The following TBC1D4 variants were observed in gnomAD, a reference collection of about 807,000 sequenced individuals.
TBC1D4 encodes the protein TBC (Tre-2, BUB2, CDC16) domain-containing protein.
In TBC1D4, 121 loss-of-function variants were observed where a neutral mutation model predicts 142.5. The observed-to-expected ratio is 0.85, with a 90% CI of 0.73 to 0.99. The LOEUF (loss-of-function observed/expected upper bound fraction) is 0.99, where lower values mean the gene tolerates loss of function less well. Ranked by LOEUF, TBC1D4 falls within the 50% of genes least tolerant of loss-of-function variation. TBC1D4 has a pLI of 0.00. For synonymous variants in TBC1D4, 630 were observed against 628.2 expected, an observed-to-expected ratio of 1.00 and a Z score of -0.04; for missense variants, 1,475 against 1,606.6, an observed-to-expected ratio of 0.92 and a Z score of 1.40.
intron 1 of TBC1D4, among the ~76,000 whole-genome samples, chr13:75,435,719 G>A (rs1241964018): frequency 6.6e-6 from 1 of 152,162 alleles, no homozygotes; most frequent in Admixed American, 6.5e-5. Context: ...GGAGTTTCTT[G>A]AAGAAATGGC....
At chr13:75,444,134 C>CT (rs1248973757) in intron 1 of TBC1D4, among the ~76,000 whole-genome samples, 1 of 151,640 alleles carries the variant, frequency 6.6e-6, no homozygotes, top group African/African-American at 2.4e-5. Flanking sequence ...ATTCTTTTTT[C>CT]TTTTTTAAGA....
intron 8 of TBC1D4, 63 bp downstream of exon 8, chr13:75,336,858 C>T (rs1157554590): frequency 1.3e-6 from 2 of 1,598,312 alleles, no homozygotes; most frequent in African/African-American, 2.7e-5. Context: ...CCTGTTGAGA[C>T]TGAAGCTAAA....
At chr13:75,322,804 C>T (rs1188234156) in intron 11 of TBC1D4, among the ~76,000 whole-genome samples, 1 of 152,148 alleles carries the variant, frequency 6.6e-6, no homozygotes, top group Non-Finnish European at 1.5e-5. Flanking sequence ...ATTCTTGGTT[C>T]TCTAAATTAG....
chr13:75,326,395 C>G lies in TBC1D4; in HGVS notation c.1835G>C (p.Gly612Ala). 2 of 1,614,064 alleles carry G rather than the reference C, an allele frequency of 1.2e-6. No individual in the cohort carries two copies. The highest frequency in any genetic ancestry group is 1.7e-6 in the Non-Finnish European group (2 of 1,180,016). Reference protein sequence around the residue: ...KDYSPGDSPPGTPPASPPSSA... With the variant: ...KDYSPGDSPPATPPASPPSSA... ...GGACGGTGGGGACGCTGGCGGTGTC[C>G]CTGGTGGAGAATCCCCTGGTGAGTA... Residue 612 changes from glycine to alanine, a missense_variant, in exon 10 of 21, where the codon GGG (glycine) becomes GCG (alanine). By Grantham distance (60) the Gly-to-Ala change is moderately conservative. Transcript: ENST00000377636.
intron 1 of TBC1D4, among the ~76,000 whole-genome samples, chr13:75,465,492 A>T (rs1405404163): frequency 2.0e-5 from 3 of 152,240 alleles, no homozygotes; most frequent in Non-Finnish European, 2.9e-5. Flanking sequence ...TTCATGTCAC[A>T]TGACTAATTA....
At chr13:75,335,841 C>A (rs1384335401) in intron 8 of TBC1D4, among the ~76,000 whole-genome samples, 1 of 152,154 alleles carries the variant, frequency 6.6e-6, no homozygotes, top group East Asian at 1.9e-4. Flanking sequence ...AACCGTGAGT[C>A]AATGAAACCT....
rs1293514436 is a variant in TBC1D4 at position 75,283,917 on chromosome 13, T to C, written c.*2875A>G. On this transcript the variant is annotated 3_prime_UTR_variant, in exon 21 of 21. Coordinates refer to ENST00000377636, the MANE Select transcript of TBC1D4 (RefSeq NM_014832.5). ...TTGGTTGTTTGTTTTTCTTTTTTTT[T>C]GTCAAAGTCTCACTCTGTGGCCCAG... 6.6e-6 allele frequency among the ~76,000 whole-genome samples: 1 copy of C among 152,096 alleles called. No individual in the cohort carries two copies. The highest frequency in any genetic ancestry group is 1.5e-5 in the Non-Finnish European group (1 of 68,018).
chr13:75,410,111 T>C (rs921252986), intron 1 of TBC1D4, among the ~76,000 whole-genome samples: 1 of 152,240 alleles, frequency 6.6e-6, no homozygotes, highest in Non-Finnish European at 1.5e-5. Context: ...TTAAATAAGC[T>C]AATGTACGTA....
At chr13:75,380,637 C>T (rs761849209) in intron 1 of TBC1D4, among the ~76,000 whole-genome samples, 7 of 151,976 alleles carry the variant, frequency 4.6e-5, no homozygotes, top group Admixed American at 1.3e-4. Flanking sequence ...TGTTCCCACA[C>T]GTTAACTCTA....
At chr13:75,360,766 T>A (rs1200538705) in intron 2 of TBC1D4, among the ~76,000 whole-genome samples, 1 of 152,162 alleles carries the variant, frequency 6.6e-6, no homozygotes, top group African/African-American at 2.4e-5. Flanking sequence ...GTTGCCTCTT[T>A]ACTCTGAATT....
At chr13:75,349,731 C>A (rs904489576) in intron 4 of TBC1D4, among the ~76,000 whole-genome samples, 8 of 152,164 alleles carry the variant, frequency 5.3e-5, no homozygotes. Context: ...ATTTACTTTT[C>A]TGGATTACTT....
chr13:75,359,778 A>G lies in TBC1D4; in HGVS notation c.1161T>C (p.Ser387=), dbSNP rs1387254135. ...VLEKNFKDIS[S]CSQGIKHVDH... is the part of the protein sequence containing the mutation. ...ATACTTTGATACATACCTGAGAACA[A>G]GAGGAGATATCTTTAAAATTCTTTT... Residue 387 remains serine, a synonymous_variant, in exon 3 of 21, where the codon TCT becomes TCC. Coordinates refer to ENST00000377636, the MANE Select transcript of TBC1D4 (RefSeq NM_014832.5). The G allele has an allele frequency of 6.2e-7, 1 of 1,610,652 alleles. No individual in the cohort carries two copies. The highest frequency in any genetic ancestry group is 1.1e-5 in the South Asian group (1 of 90,964).
At chr13:75,413,785 C>G (rs1256421874) in intron 1 of TBC1D4, among the ~76,000 whole-genome samples, 1 of 152,128 alleles carries the variant, frequency 6.6e-6, no homozygotes, top group African/African-American at 2.4e-5. Flanking sequence ...TGTATAAAAA[C>G]TGATTCACAG....
At chr13:75,346,518 G>A (rs1162366035) in intron 5 of TBC1D4, among the ~76,000 whole-genome samples, 3 of 152,188 alleles carry the variant, frequency 2.0e-5, no homozygotes, top group African/African-American at 7.2e-5. Flanking sequence ...CGGTGTATAT[G>A]TGCTACATTT....
At chr13:75,334,379 G>A (rs1423991515) in intron 8 of TBC1D4, among the ~76,000 whole-genome samples, 1 of 151,632 alleles carries the variant, frequency 6.6e-6, no homozygotes, top group Non-Finnish European at 1.5e-5. Flanking sequence ...CAGAATCTTG[G>A]TTCTGTCTAG....
chr13:75,424,215 G>T (rs1427183921), intron 1 of TBC1D4, among the ~76,000 whole-genome samples: 1 of 149,720 alleles, frequency 6.7e-6, no homozygotes, highest in Non-Finnish European at 1.5e-5. Context: ...TGAGGTTGCA[G>T]TGAGCTATGA....
chr13:75,328,077 G>T (rs561325087), intron 8 of TBC1D4, among the ~76,000 whole-genome samples: 11 of 152,154 alleles, frequency 7.2e-5, no homozygotes, highest in African/African-American at 2.6e-4. Context: ...AGTTAGTTTG[G>T]TTACAAGATT....
chr13:75,321,200 C>T (rs976512846), intron 11 of TBC1D4, among the ~76,000 whole-genome samples: 1 of 152,040 alleles, frequency 6.6e-6, no homozygotes, highest in African/African-American at 2.4e-5. Flanking sequence ...AACCTTCTCC[C>T]CTCACTATTC....
intron 1 of TBC1D4, among the ~76,000 whole-genome samples, chr13:75,370,905 T>G (rs934039335): frequency 2.0e-5 from 3 of 152,014 alleles, no homozygotes; most frequent in East Asian, 1.9e-4. Flanking sequence ...GACAGAGACA[T>G]AGACAGCTAG....
Sources: allele counts gnomAD v4.1 joint callset (sites outside exome capture counted in the v4.1 genomes callset), GRCh38; gene constraint gnomAD v4.1.1; transcripts MANE v1.5; gene names NCBI Gene and HGNC (gene_info 2026-07-23, HGNC 2026-07-21).